Variants in EPB41L1 observed in about 807,000 individuals in gnomAD.
EPB41L1 encodes erythrocyte membrane protein band 4.1 like 1, also known as band 4.1-like protein 1.
Under a neutral mutation model 97.8 loss-of-function variants are expected in EPB41L1, and 29 were observed. That is an observed-to-expected ratio of 0.30 (90% CI 0.22 to 0.40). The LOEUF (loss-of-function observed/expected upper bound fraction) is 0.40. Among genes scored for constraint, EPB41L1 ranks in the 10% least tolerant of loss-of-function variants. The probability of loss-of-function intolerance (pLI) is 1.00; values close to 1 mark genes in which losing one functional copy is unlikely to be tolerated. For missense variants in EPB41L1, 812 were observed against 1,162.3 expected, an observed-to-expected ratio of 0.70 and a Z score of 4.38; for synonymous variants, 383 against 459.2, an observed-to-expected ratio of 0.83 and a Z score of 2.12.
chr20:36,159,819 T>G (rs2060458553), intron 1 of EPB41L1, among the ~76,000 whole-genome samples: 1 of 152,242 alleles, frequency 6.6e-6, no homozygotes, highest in Non-Finnish European at 1.5e-5. Context: ...GAACAGGGTT[T>G]AAGTCTTCTT....
chr20:36,107,860 G>A (rs1191590566), intron 1 of EPB41L1, among the ~76,000 whole-genome samples: 1 of 151,848 alleles, frequency 6.6e-6, no homozygotes, highest in Non-Finnish European at 1.5e-5. Flanking sequence ...GCAAGGAGAA[G>A]CTAAATATCT....
intron 1 of EPB41L1, among the ~76,000 whole-genome samples, chr20:36,098,941 C>T (rs954495881): frequency 1.3e-5 from 2 of 152,006 alleles, no homozygotes; most frequent in East Asian, 1.9e-4. Context: ...TGATCTGAGG[C>T]GGATTATTCC....
intron 2 of EPB41L1, among the ~76,000 whole-genome samples, chr20:36,146,989 A>T (rs1256233960): frequency 6.6e-6 from 1 of 152,150 alleles, no homozygotes; most frequent in African/African-American, 2.4e-5. Flanking sequence ...TCTACAAAAA[A>T]TATAAAAATT....
chr20:36,156,435 A>C (rs1948092255), intron 1 of EPB41L1, among the ~76,000 whole-genome samples: 1 of 152,182 alleles, frequency 6.6e-6, no homozygotes, highest in South Asian at 2.1e-4. Context: ...GTCCTCACTC[A>C]GTCGATATTG....
At chr20:36,200,092 G>A (rs536345825) in intron 14 of EPB41L1, among the ~76,000 whole-genome samples, 22 of 152,158 alleles carry the variant, frequency 1.4e-4, no homozygotes, top group Non-Finnish European at 2.6e-4. Context: ...AGGCCCCCTT[G>A]GCATTTAGGG....
intron 15 of EPB41L1, among the ~76,000 whole-genome samples, chr20:36,210,453 A>C (rs1022168488): frequency 5.9e-5 from 9 of 151,970 alleles, no homozygotes; most frequent in Non-Finnish European, 1.5e-5. Flanking sequence ...AGAGCTGTGA[A>C]GGGATTTCTC....
chr20:36,153,149 C>A (rs2145453884), upstream of EPB41L1: 2 of 455,154 alleles, frequency 4.4e-6, no homozygotes, highest in South Asian at 1.6e-5. Context: ...CAAAGGGACG[C>A]AATTGTATCT....
intron 1 of EPB41L1, chr20:36,091,847 A>T (rs553098910): frequency 6.6e-6 from 1 of 152,314 alleles, no homozygotes; most frequent in Non-Finnish European, 1.5e-5. Flanking sequence ...ATCTTCTTTC[A>T]GATGCTATCT....
chr20:36,145,052 G>A (rs1259205843), intron 2 of EPB41L1, among the ~76,000 whole-genome samples: 2 of 152,056 alleles, frequency 1.3e-5, no homozygotes, highest in East Asian at 1.9e-4. Flanking sequence ...ATCACAGGAG[G>A]GCTGATGAAA....
chr20:36,196,124 CAAGGT>C (rs1294092521), intron 13 of EPB41L1, among the ~76,000 whole-genome samples: 1 of 152,168 alleles, frequency 6.6e-6, no homozygotes, highest in Non-Finnish European at 1.5e-5. Context: ...CTTGGGCTGC[CAAGGT>C]AAAGGGCCAG....
rs1008033624 is a variant in EPB41L1 at position 36,126,913 on chromosome 20, C to A, written c.-10+14433C>A. 2.0e-5 allele frequency among the ~76,000 whole-genome samples: 3 copies of A among 152,352 alleles called. No homozygotes were observed. The South Asian group carries it at 6.2e-4, about 32-fold the overall frequency. ...TGAATAATGCCACAGCTGGGCTTGGCCCAGGCACCTCACTGGCAGCTACAG... is the reference window on the plus strand; with the variant it reads ...TGAATAATGCCACAGCTGGGCTTGGACCAGGCACCTCACTGGCAGCTACAG... On this transcript the variant is annotated intron_variant, in intron 2 of 19. Coordinates refer to the EPB41L1 transcript ENST00000202028.
rs1425640979 is a variant in EPB41L1 at position 36,209,773 on chromosome 20, A to G, written c.1954A>G (p.Thr652Ala). The G allele has an allele frequency of 3.7e-6, 6 of 1,613,922 alleles. No homozygotes were observed. The highest frequency in any genetic ancestry group is 5.1e-6 in the Non-Finnish European group (6 of 1,180,034). ...ELDRDKSDSD[T>A]EGLLFSRDLN... The stretch of plus-strand genomic sequence containing the variant: ...CGACCGGGACAAAAGCGACTCGGAC[A>G]CTGAGGGCCTGCTGTTCTCCCGGGA... The change falls in exon 15 of 22, where the codon ACT becomes GCT. Residue 652 changes from threonine to alanine, a missense_variant. Transcript: ENST00000338074. The surrounding 1 kb of genome is among the most constrained non-coding windows in gnomAD (Gnocchi z 4.2).
Position 36,195,446 on chromosome 20 carries a change from C to T in EPB41L1, c.1485+82C>T. 2.0e-6 allele frequency: 3 copies of T among 1,504,574 alleles called. No individual in the cohort carries two copies. In the South Asian group the frequency reaches 3.4e-5, roughly 17 times the overall value. The allele number at this position is 1,504,574 out of a possible 1,614,324, so 93.2% of individuals were successfully genotyped here. A position where few individuals can be genotyped will look rare whatever the true frequency, so the allele number is the denominator to read the frequency against. On this transcript the variant is annotated intron_variant, in intron 13 of 21. Coordinates refer to ENST00000338074, the MANE Select transcript of EPB41L1 (RefSeq NM_012156.2). The surrounding 1 kb of genome is among the most constrained non-coding windows in gnomAD (Gnocchi z 4.6). ...TCACCATCCCACAGTCCATCCCAGG[C>T]TCACTTCCCTGGCACCATCTCAGCT...
chr20:36,196,495 T>A (rs1463686301), intron 13 of EPB41L1, among the ~76,000 whole-genome samples: 1 of 152,196 alleles, frequency 6.6e-6, no homozygotes, highest in Admixed American at 6.5e-5. Context: ...CAGACAGCCA[T>A]GGTCCAGAGG....
chr20:36,200,673 C>T (rs779599130), intron 14 of EPB41L1, among the ~76,000 whole-genome samples: 3 of 152,162 alleles, frequency 2.0e-5, no homozygotes, highest in South Asian at 2.1e-4. Flanking sequence ...CAGTCCCTCC[C>T]GAGCTCACCC....
In EPB41L1 at chr20:36,185,276, C is replaced by T. The variant is rs142551778; in HGVS notation, c.726C>T (p.Phe242=). Residue 242 remains phenylalanine, a synonymous_variant, in exon 7 of 22, where the codon TTC becomes TTT. Transcript: ENST00000338074. ...GCAACTATGTCAGCGAGCTCCGCTT[C>T]GCCCCTAACCAGACCCGGGAGCTGG... The part of the protein sequence containing the change: ...HVGNYVSELR[F]APNQTRELEE... The T allele has an allele frequency of 2.5e-3, 4,064 of 1,613,824 alleles. 13 individuals carry two copies. Among genetic ancestry groups the T allele is most frequent in the Non-Finnish European group, 3.1e-3 (3,646 of 1,180,032 alleles).
chr20:36,155,117 CG>C, intron 1 of EPB41L1: 1 of 488,672 alleles, frequency 2.0e-6, no homozygotes, highest in Non-Finnish European at 3.9e-6. Context: ...TGGGGGTTGG[CG>C]GGGGGTTGGT....
chr20:36,094,332 A>AT (rs996330448), intron 1 of EPB41L1, among the ~76,000 whole-genome samples: 1 of 152,226 alleles, frequency 6.6e-6, no homozygotes, highest in African/African-American at 2.4e-5. Context: ...GGGCCACGCC[A>AT]TTTTTGAAAA....
chr20:36,225,344 G>T (rs1437997471), intron 21 of EPB41L1, among the ~76,000 whole-genome samples: 1 of 152,056 alleles, frequency 6.6e-6, no homozygotes, highest in Non-Finnish European at 1.5e-5. Flanking sequence ...TGCTGAGCTG[G>T]GTGTATCACC....
Sources: allele counts gnomAD v4.1 joint callset (sites outside exome capture counted in the v4.1 genomes callset), GRCh38; gene constraint gnomAD v4.1.1; non-coding constraint Gnocchi (gnomAD v3.1); transcripts MANE v1.5; gene names NCBI Gene and HGNC (gene_info 2026-07-23, HGNC 2026-07-21).